Variants in KRT74 observed in about 807,000 individuals in gnomAD.
KRT74 encodes keratin 74, also known as keratin, type II cytoskeletal 74.
In KRT74, 43 loss-of-function variants were observed where a neutral mutation model predicts 42.7. The observed-to-expected ratio is 1.01, with a 90% CI of 0.79 to 1.30. The LOEUF (loss-of-function observed/expected upper bound fraction) is 1.30. KRT74 is among the 50% of genes most tolerant of loss of function. KRT74 has a pLI of 0.00. For synonymous variants in KRT74, 302 were observed against 279.0 expected, an observed-to-expected ratio of 1.08 and a Z score of -0.82; for missense variants, 736 against 689.1, an observed-to-expected ratio of 1.07 and a Z score of -0.76.
Position 52,573,516 on chromosome 12 carries a change from C to G in KRT74, c.262G>C (p.Gly88Arg), listed in dbSNP as rs1939527130. 1.2e-6 allele frequency: 2 copies of G among 1,614,176 alleles called. No individual in the cohort carries two copies. Among genetic ancestry groups the G allele is most frequent in the Non-Finnish European group, 1.7e-6 (2 of 1,180,046 alleles). Reference sequence around the variant, plus strand: ...CTGCCAAACATACTGCCAGCAAAGCCACTGGCCCGGCCCCCTCCATACCCA... The same window carrying G: ...CTGCCAAACATACTGCCAGCAAAGCGACTGGCCCGGCCCCCTCCATACCCA... Reference protein sequence around the residue: ...GSGYGGGRASGFAGSMFGSVA... With the variant: ...GSGYGGGRASRFAGSMFGSVA... The change falls in exon 1 of 9, where the codon GGC (glycine) becomes CGC (arginine). Residue 88 changes from glycine to arginine, a missense_variant. Coordinates refer to ENST00000305620, the MANE Select transcript of KRT74 (RefSeq NM_175053.4).
In KRT74 at chr12:52,573,430, A is replaced by G. The variant is rs779651647; in HGVS notation, c.348T>C (p.Thr116=). The G allele has an allele frequency of 2.5e-6, 4 of 1,613,506 alleles. No individual in the cohort carries two copies. The highest frequency in any genetic ancestry group is 3.4e-6 in the Non-Finnish European group (4 of 1,180,028). ...GGGGGGCCAAGAGGCTCTTGTTGAC[A>G]GTGACCTGGTGGATGCCCCCAGGTG... ...VCPPGGIHQV[T]VNKSLLAPLN... Residue 116 remains threonine, a synonymous_variant, in exon 1 of 9, where the codon ACT becomes ACC. Transcript: ENST00000305620.
At chr12:52,567,569 T>G in intron 8 of KRT74, 90 bp downstream of exon 8, 1 of 955,472 alleles carries the variant, frequency 1.0e-6, no homozygotes. Context: ...CAGAAGCTTC[T>G]TGGGAGGTGA....
intron 6 of KRT74, chr12:52,568,615 G>C: frequency 3.3e-6 from 2 of 604,870 alleles, no homozygotes; most frequent in South Asian, 4.0e-5. Context: ...AGGAGGTCAG[G>C]AAGAAATGTC....
Position 52,573,405 on chromosome 12 carries a change from G to C in KRT74, c.373C>G (p.Leu125Val), listed in dbSNP as rs1939524269. 1 of 1,613,960 alleles carries C rather than the reference G, an allele frequency of 6.2e-7. No individual in the cohort carries two copies. Among genetic ancestry groups the C allele is most frequent in the Admixed American group, 1.7e-5 (1 of 60,014 alleles). ...VTVNKSLLAP[L>V]NVELDPEIQK... The stretch of plus-strand genomic sequence containing the variant: ...ATCTCAGGGTCCAGCTCCACGTTGA[G>C]GGGGGCCAAGAGGCTCTTGTTGACA... Residue 125 changes from leucine to valine, a missense_variant, in exon 1 of 9, where the codon CTC becomes GTC. By Grantham distance (32) the Leu-to-Val change is conservative. Transcript: ENST00000305620.
At chr12:52,569,404 G>A (rs1219168448) in intron 6 of KRT74, 1 of 494,032 alleles carries the variant, frequency 2.0e-6, no homozygotes, top group African/African-American at 2.0e-5. Context: ...GCCAACAGAG[G>A]CGCCTGATGC....
At position 52,573,400 on chromosome 12, in the gene KRT74, G is replaced by A. The variant is rs151100866; in HGVS notation, c.378C>T (p.Asn126=). 8.1e-6 allele frequency: 13 copies of A among 1,614,212 alleles called. No individual in the cohort carries two copies. The highest frequency in any genetic ancestry group is 1.1e-5 in the South Asian group (1 of 91,082). ...TCTGGATCTCAGGGTCCAGCTCCACGTTGAGGGGGGCCAAGAGGCTCTTGT... is the reference window on the plus strand; with the variant it reads ...TCTGGATCTCAGGGTCCAGCTCCACATTGAGGGGGGCCAAGAGGCTCTTGT... ...TVNKSLLAPL[N]VELDPEIQKV... The change falls in exon 1 of 9, where the codon AAC becomes AAT. Residue 126 remains asparagine, a synonymous_variant. Transcript: ENST00000305620.
chr12:52,572,770 A>G, intron 1 of KRT74, 103 bp from the exon 2 acceptor site: 1 of 1,054,790 alleles, frequency 9.5e-7, no homozygotes, highest in Non-Finnish European at 1.4e-6. Flanking sequence ...TGTTGTAGTC[A>G]TTTTTGCTCA....
chr12:52,572,708 G>A lies in KRT74; in HGVS notation c.472-41C>T, dbSNP rs755612763. 3.2e-6 allele frequency: 5 copies of A among 1,563,998 alleles called. No homozygotes were observed. In the South Asian group the frequency reaches 3.3e-5, roughly 10 times the overall value. ...ACAGACACCTGGAACCACAATGGGT[G>A]CAGTCATGCCCCCTGGACACACACC... On this transcript the variant is annotated intron_variant, in intron 1 of 8. Transcript: ENST00000305620.
At chr12:52,571,123 G>T (rs1250295135) in intron 4 of KRT74, among the ~76,000 whole-genome samples, 2 of 152,176 alleles carry the variant, frequency 1.3e-5, no homozygotes, top group African/African-American at 2.4e-5. Context: ...GACCTCACTG[G>T]GTTATCTTTT....
In KRT74 at chr12:52,573,485, G is replaced by A. The variant is rs917683139; in HGVS notation, c.293C>T (p.Ala98Val). Residue 98 changes from alanine to valine, a missense_variant, in exon 1 of 9, where the codon GCC becomes GTC. Coordinates refer to ENST00000305620, the MANE Select transcript of KRT74 (RefSeq NM_175053.4). ...GFAGSMFGSV[A>V]LGPACLSVCP... ...CACAGACAAACATGCAGGCCCCAGGGCCACACTGCCAAACATACTGCCAGC... is the reference window on the plus strand; with the variant it reads ...CACAGACAAACATGCAGGCCCCAGGACCACACTGCCAAACATACTGCCAGC... 2.5e-6 allele frequency: 4 copies of A among 1,614,044 alleles called. No individual in the cohort carries two copies. Among genetic ancestry groups the A allele is most frequent in the Admixed American group, 1.7e-5 (1 of 60,012 alleles).
intron 5 of KRT74, 21 bp downstream of exon 5, chr12:52,570,648 G>A (rs750013698): frequency 2.5e-6 from 4 of 1,614,062 alleles, no homozygotes; most frequent in Non-Finnish European, 3.4e-6. Flanking sequence ...TGCTGTGGGA[G>A]GAGACCCATT....
At chr12:52,570,941 G>T in intron 4 of KRT74, 108 bp from the exon 5 acceptor site, 2 of 1,276,932 alleles carry the variant, frequency 1.6e-6, no homozygotes, top group Non-Finnish European at 2.2e-6. Context: ...TAGGATCCAC[G>T]GGGACAAAGT....
At chr12:52,573,228 G>C in intron 1 of KRT74, 79 bp downstream of exon 1, 1 of 1,371,012 alleles carries the variant, frequency 7.3e-7, no homozygotes, top group Non-Finnish European at 1.0e-6. Context: ...TCCAGCCACA[G>C]TGTGCAGTCC....
intron 4 of KRT74, 26 bp downstream of exon 4, chr12:52,571,333 G>T: frequency 7.3e-7 from 1 of 1,367,394 alleles, no homozygotes; most frequent in Non-Finnish European, 1.0e-6. Context: ...GGCAGGGTGA[G>T]GGTGGGGGGA....
chr12:52,568,568 C>T, intron 6 of KRT74, 179 bp from the exon 7 acceptor site: 2 of 677,274 alleles, frequency 3.0e-6, no homozygotes, highest in Non-Finnish European at 5.0e-6. Flanking sequence ...GTATTCAAAG[C>T]TGTTATCACA....
chr12:52,570,216 G>A (rs946156347), intron 5 of KRT74, among the ~76,000 whole-genome samples: 11 of 152,050 alleles, frequency 7.2e-5, no homozygotes, highest in South Asian at 2.1e-4. Context: ...AGCACTCCTC[G>A]CCTTCCATTT....
intron 6 of KRT74, among the ~76,000 whole-genome samples, chr12:52,568,860 GGA>G (rs1182777233): frequency 6.6e-6 from 1 of 152,194 alleles, no homozygotes; most frequent in African/African-American, 2.4e-5. Flanking sequence ...AGCACTCTGG[GGA>G]GAGTCTGTGT....
chr12:52,568,535 C>T, intron 6 of KRT74, 146 bp from the exon 7 acceptor site: 1 of 815,238 alleles, frequency 1.2e-6, no homozygotes, highest in South Asian at 1.6e-5. Flanking sequence ...AACTTTGTCT[C>T]TTCTATTTTC....
In KRT74 at chr12:52,570,703, C is replaced by G. The variant is rs763883618; in HGVS notation, c.974G>C (p.Ser325Thr). The G allele has an allele frequency of 6.2e-7, 1 of 1,614,116 alleles. No individual in the cohort carries two copies. Among genetic ancestry groups the G allele is most frequent in the African/African-American group, 1.3e-5 (1 of 74,946 alleles). Residue 325 changes from serine (S) to threonine (T), a missense_variant, in exon 5 of 9, where the codon AGC becomes ACC. By Grantham distance (58) the Ser-to-Thr change is moderately conservative (BLOSUM62 1). Transcript: ENST00000305620. ...RMHYEEIALKSKAEAEALYQT... is the reference protein window; with the variant it reads ...RMHYEEIALKTKAEAEALYQT... The stretch of plus-strand genomic sequence containing the variant: ...GTACAGGGCCTCGGCCTCGGCCTTG[C>G]TCTTCAGGGCGATCTCCTCATAATG...
Sources: gnomAD v4.1 joint callset for allele counts (sites outside exome capture counted in the v4.1 genomes callset) on GRCh38, gnomAD v4.1.1 for gene constraint, MANE v1.5 for transcripts, NCBI Gene and HGNC (gene_info 2026-07-23, HGNC 2026-07-21) for gene names.